Variants in RUFY1 observed in about 807,000 individuals in gnomAD.
RUFY1 encodes the protein RUN and FYVE domain-containing protein 1.
RUFY1 carries 54 observed loss-of-function variants against 94.6 expected under a neutral mutation model. That is an observed-to-expected ratio of 0.57 (90% confidence interval 0.46 to 0.72). The LOEUF (loss-of-function observed/expected upper bound fraction) is 0.72, where lower values mean the gene tolerates loss of function less well. RUFY1 is among the 30% of genes least tolerant of loss of function. The pLI, the probability that RUFY1 is intolerant of heterozygous loss-of-function variation, is 0.00. For synonymous variants in RUFY1, 396 were observed against 347.3 expected (o/e 1.14, Z -1.56); for missense variants, 883 against 883.9 (o/e 1.00, Z 0.01).
At chr5:179,593,878 T>C (rs1765312685) in intron 11 of RUFY1, among the ~76,000 whole-genome samples, 1 of 152,198 alleles carries the variant, frequency 6.6e-6, no homozygotes, top group Non-Finnish European at 1.5e-5. Context: ...GTGACGTAGC[T>C]TCTAAGGGGA....
In RUFY1 at chr5:179,560,095, G is replaced by T. The variant is rs777473427; in HGVS notation, c.381G>T (p.Leu127Phe). The T allele has an allele frequency of 6.8e-6, 11 of 1,614,046 alleles. No homozygotes were observed. The East Asian group carries it at 1.8e-4, about 26-fold the overall frequency. ...TGATGAAACTCAGCATCAAGGTGTT[G>T]CTCCAGTCGGCTCTGAGCCTGGGCC... Reference protein sequence around the residue: ...MHMMKLSIKVLLQSALSLGRS... With the variant: ...MHMMKLSIKVFLQSALSLGRS... Residue 127 changes from leucine to phenylalanine, a missense_variant, in exon 2 of 18, where the codon TTG (leucine) becomes TTT (phenylalanine). Transcript: ENST00000319449.
rs899456325 is a variant in RUFY1, at chr5:179,550,849, G to C, written c.280G>C (p.Gly94Arg). 1.7e-6 allele frequency: 2 copies of C among 1,201,208 alleles called. No homozygotes were observed. Among genetic ancestry groups the C allele is most frequent in the Non-Finnish European group, 2.1e-6 (2 of 971,728 alleles). 74.4% of individuals were successfully genotyped at this position (1,201,208 alleles called of 1,614,324 possible). A position where few individuals can be genotyped will look rare whatever the true frequency, so the allele number is the denominator to read the frequency against. The stretch of plus-strand genomic sequence containing the variant: ...GCGCGCGGCCGCGGGGCTGGGCGGC[G>C]GGGACAGCGGGGACGGCACGGCGCG... ...ALRAAAGLGG[G>R]DSGDGTARAA... Residue 94 changes from glycine to arginine, a missense_variant, in exon 1 of 18, where the codon GGG becomes CGG. Coordinates refer to ENST00000319449, the MANE Select transcript of RUFY1 (RefSeq NM_025158.5).
intron 9 of RUFY1, among the ~76,000 whole-genome samples, chr5:179,590,349 G>C (rs1323692667): frequency 2.0e-5 from 3 of 147,478 alleles, no homozygotes; most frequent in Admixed American, 2.0e-4. Context: ...GCAAGACTCC[G>C]TCTCAAAAAA....
At chr5:179,579,657 C>CTTTTTTTTTTTTT (rs61062422) in intron 6 of RUFY1, among the ~76,000 whole-genome samples, 662 of 50,502 alleles carry the variant, frequency 0.013, 192 homozygotes, top group East Asian at 0.031. Flanking sequence ...TTTTCTTCTT[C>CTTTTTTTTTTTTT]TTTTTTTTTT....
intron 5 of RUFY1, chr5:179,572,323 G>A (rs1581458465): frequency 1.0e-5 from 2 of 193,830 alleles, no homozygotes; most frequent in Non-Finnish European, 2.3e-5. Context: ...GGAGAACGTC[G>A]CATTCAGCGA....
chr5:179,565,658 C>T (rs1179472665), intron 3 of RUFY1, among the ~76,000 whole-genome samples: 4 of 151,986 alleles, frequency 2.6e-5, no homozygotes, highest in African/African-American at 9.7e-5. Flanking sequence ...AAATAATATT[C>T]TGTTGTCTGT....
chr5:179,592,061 C>T (rs1765161793), intron 10 of RUFY1, among the ~76,000 whole-genome samples: 1 of 152,122 alleles, frequency 6.6e-6, no homozygotes, highest in Admixed American at 6.5e-5. Context: ...TTCTCTGCCT[C>T]AGCCTCCCGA....
intron 8 of RUFY1, among the ~76,000 whole-genome samples, chr5:179,586,677 T>C (rs1468851462): frequency 6.6e-6 from 1 of 152,088 alleles, no homozygotes; most frequent in Non-Finnish European, 1.5e-5. Flanking sequence ...TGAAAGGCCT[T>C]CAGGAAAGGA....
rs973950383 is a variant in RUFY1 at position 179,550,602 on chromosome 5, G to A, written c.33G>A (p.Gly11=). MADREGGCAA[G]RGRELEPELE... ...ACCGGGAAGGCGGCTGCGCTGCTGGGCGGGGGCGGGAGCTGGAGCCGGAGC... is the reference window on the plus strand; with the variant it reads ...ACCGGGAAGGCGGCTGCGCTGCTGGACGGGGGCGGGAGCTGGAGCCGGAGC... The change falls in exon 1 of 18, where the codon GGG becomes GGA. Residue 11 remains glycine, a synonymous_variant. Transcript: ENST00000319449. 1.0e-5 allele frequency: 13 copies of A among 1,289,040 alleles called. No homozygotes were observed. Among genetic ancestry groups the A allele is most frequent in the Non-Finnish European group, 1.2e-5 (12 of 1,027,534 alleles). The allele number at this position is 1,289,040 out of a possible 1,614,324, so 79.9% of individuals were successfully genotyped here. A position where few individuals can be genotyped will look rare whatever the true frequency, so the allele number is the denominator to read the frequency against.
chr5:179,604,638 G>A (rs1766854224), intron 15 of RUFY1, among the ~76,000 whole-genome samples: 1 of 152,154 alleles, frequency 6.6e-6, no homozygotes, highest in Non-Finnish European at 1.5e-5. Flanking sequence ...TTTTGTCACT[G>A]AGATGAGTCT....
chr5:179,581,303 C>G (rs955844908), intron 7 of RUFY1, among the ~76,000 whole-genome samples: 1 of 152,306 alleles, frequency 6.6e-6, no homozygotes, highest in Admixed American at 6.5e-5. Flanking sequence ...CTGGAAATCC[C>G]TTCATGGCAA....
intron 10 of RUFY1, 66 bp downstream of exon 10, chr5:179,591,807 T>C (rs530460839): frequency 1.2e-3 from 1,087 of 929,142 alleles, no homozygotes; most frequent in Non-Finnish European, 1.6e-3. Flanking sequence ...GTCAACACTT[T>C]TCATAGACAT....
intron 2 of RUFY1, among the ~76,000 whole-genome samples, chr5:179,560,727 A>G (rs1165725861): frequency 1.4e-5 from 1 of 70,036 alleles, no homozygotes; most frequent in East Asian, 2.4e-4. Flanking sequence ...CTCCGTCTCA[A>G]AAAAAAAAAA....
intron 17 of RUFY1, among the ~76,000 whole-genome samples, chr5:179,607,991 A>G (rs1019230930): frequency 1.3e-5 from 2 of 152,218 alleles, no homozygotes; most frequent in Admixed American, 1.3e-4. Context: ...TGCGGCAGGA[A>G]CAAAATCTGG....
At chr5:179,593,441 A>G in intron 10 of RUFY1, 37 bp from the exon 11 acceptor site, 1 of 1,574,700 alleles carries the variant, frequency 6.4e-7, no homozygotes, top group Non-Finnish European at 8.7e-7. Context: ...TCTGTGATCT[A>G]TTTTAATAAC....
intron 2 of RUFY1, 37 bp downstream of exon 2, chr5:179,560,235 G>A (rs777275267): frequency 2.5e-6 from 4 of 1,600,272 alleles, no homozygotes; most frequent in East Asian, 2.2e-5. Context: ...GTGGAAGTTC[G>A]GGCTGGGTGT....
chr5:179,608,192 GT>G, intron 17 of RUFY1: 1 of 595,742 alleles, frequency 1.7e-6, no homozygotes, highest in Non-Finnish European at 2.1e-6. Context: ...TAGGGGAAGA[GT>G]TGGGTATAAG....
chr5:179,571,701 C>G (rs1763238282), intron 5 of RUFY1, among the ~76,000 whole-genome samples: 1 of 152,162 alleles, frequency 6.6e-6, no homozygotes, highest in Non-Finnish European at 1.5e-5. Context: ...AACACATTTC[C>G]TCCTGACACT....
At chr5:179,555,431 C>A (rs946723366) in intron 1 of RUFY1, among the ~76,000 whole-genome samples, 7 of 152,034 alleles carry the variant, frequency 4.6e-5, no homozygotes, top group Non-Finnish European at 1.0e-4. Flanking sequence ...GCTAAAAGAT[C>A]GTTCCAGGTT....
Sources: allele counts gnomAD v4.1 joint callset (sites outside exome capture counted in the v4.1 genomes callset), GRCh38; gene constraint gnomAD v4.1.1; transcripts MANE v1.5; gene names NCBI Gene and HGNC (gene_info 2026-07-23, HGNC 2026-07-21).